The following HDAC2 variants were observed in gnomAD, a reference collection of about 807,000 sequenced individuals.
The protein encoded by HDAC2 is histone deacetylase 2.
In HDAC2, 5 loss-of-function variants were observed where a neutral mutation model predicts 68.5. That is an observed-to-expected ratio of 0.07 (90% CI 0.04 to 0.15). The LOEUF is 0.15. HDAC2 is among the 10% of genes least tolerant of loss of function. The pLI is 1.00. For synonymous variants in HDAC2, 182 were observed against 191.3 expected (o/e 0.95, Z 0.40); for missense variants, 291 against 600.8 (o/e 0.48, Z 5.39).
chr6:113,957,557 C>G (rs745720990), intron 3 of HDAC2, among the ~76,000 whole-genome samples: 12 of 151,912 alleles, frequency 7.9e-5, no homozygotes, highest in Non-Finnish European at 1.8e-4. Flanking sequence ...GCTTGGCTCA[C>G]TGCAACCTCC....
At chr6:113,956,229 T>A in intron 4 of HDAC2, 78 bp from the exon 5 acceptor site, 1 of 1,167,046 alleles carries the variant, frequency 8.6e-7, no homozygotes, top group Non-Finnish European at 1.2e-6. Context: ...ACACTACAAG[T>A]GTATGCCATG....
rs918271736 is a variant in HDAC2, at chr6:113,938,878, CTT to C, written c.*2178_*2179del. On this transcript the variant is annotated 3_prime_UTR_variant, in exon 14 of 14. Transcript: ENST00000519065. Reference sequence around the variant, plus strand: ...TGCTGAAATTGCTTTAGATAGTTCTCTTGAGGTTTTAGTTGTATATAACCAAC... The same window carrying C: ...TGCTGAAATTGCTTTAGATAGTTCTCGAGGTTTTAGTTGTATATAACCAAC... The C allele has an allele frequency of 7.9e-5, 12 of 152,136 alleles. No individual in the cohort carries two copies. The highest frequency in any genetic ancestry group is 2.4e-4 in the African/African-American group (10 of 41,426). 9.4% of individuals were successfully genotyped at this position (152,136 alleles called of 1,614,324 possible).
At chr6:113,947,182 C>T (rs1439549652) in intron 8 of HDAC2, 1 of 152,090 alleles carries the variant, frequency 6.6e-6, no homozygotes, top group Admixed American at 6.5e-5. Flanking sequence ...TAAAAGTTAA[C>T]TTACAGGCTT....
At chr6:113,948,697 T>G in intron 8 of HDAC2, 1 of 322,554 alleles carries the variant, frequency 3.1e-6, no homozygotes, top group Non-Finnish European at 5.6e-6. Flanking sequence ...AAAGTATGCA[T>G]GTTTTATTTA....
At chr6:113,959,854 A>T in intron 2 of HDAC2, 52 bp downstream of exon 2, 2 of 652,564 alleles carry the variant, frequency 3.1e-6, no homozygotes, top group Non-Finnish European at 5.3e-6. Context: ...CACAGTAGCT[A>T]AAAAAAAATA....
intron 6 of HDAC2, among the ~76,000 whole-genome samples, chr6:113,950,705 G>C (rs1562143687): frequency 7.9e-6 from 1 of 127,158 alleles, no homozygotes; most frequent in South Asian, 3.1e-4. Context: ...TGGGGTGGGG[G>C]GGGGGTGCCT....
At chr6:113,952,255 T>C (rs1776437025) in intron 6 of HDAC2, among the ~76,000 whole-genome samples, 1 of 152,220 alleles carries the variant, frequency 6.6e-6, no homozygotes, top group Admixed American at 6.5e-5. Flanking sequence ...TGAAGGAGTT[T>C]ACTGGCAAGG....
At position 113,945,483 on chromosome 6, in the gene HDAC2, A is replaced by G; in HGVS notation, c.983-13T>C. ...TTATATGGCAACTCTAATGAAAACA[A>G]TAAAATAAAGTTACATATTACAAGC... On this transcript the variant is annotated splice_polypyrimidine_tract_variant and intron_variant, in intron 9 of 13. Transcript: ENST00000519065. 8.1e-7 allele frequency: 1 copy of G among 1,228,338 alleles called. No homozygotes were observed. The highest frequency in any genetic ancestry group is 1.2e-6 in the Non-Finnish European group (1 of 830,860). The allele number at this position is 1,228,338 out of a possible 1,614,324, so 76.1% of individuals were successfully genotyped here.
chr6:113,971,148 G>C lies in HDAC2; in HGVS notation c.-240C>G, dbSNP rs773499398. The C allele has an allele frequency of 6.5e-7, 1 of 1,535,228 alleles. No homozygotes were observed. Among genetic ancestry groups the C allele is most frequent in the Non-Finnish European group, 8.8e-7 (1 of 1,139,232 alleles). ...CAGCGGCACCAACTCGCGAGGAGGGGGCCACCAAACCACCTCAGGAGGCCG... is the reference window on the plus strand; with the variant it reads ...CAGCGGCACCAACTCGCGAGGAGGGCGCCACCAAACCACCTCAGGAGGCCG... On this transcript the variant is annotated 5_prime_UTR_variant, in exon 1 of 14. Transcript: ENST00000519065.
intron 1 of HDAC2, among the ~76,000 whole-genome samples, chr6:113,961,003 G>GT (rs1776670911): frequency 6.6e-6 from 1 of 152,072 alleles, no homozygotes; most frequent in Non-Finnish European, 1.5e-5. Flanking sequence ...GACTTAAAGT[G>GT]TAAGGGGAGA....
chr6:113,967,325 C>T (rs752951259), intron 1 of HDAC2, among the ~76,000 whole-genome samples: 5 of 152,056 alleles, frequency 3.3e-5, no homozygotes, highest in East Asian at 1.9e-4. Flanking sequence ...GACGGGGTTT[C>T]GCCATGTTGG....
intron 2 of HDAC2, 181 bp downstream of exon 2, chr6:113,959,725 A>T: frequency 2.3e-6 from 1 of 430,616 alleles, no homozygotes; most frequent in Non-Finnish European, 4.1e-6. Flanking sequence ...AAAAGGAAAA[A>T]GAGGGTATAG....
chr6:113,955,984 G>A (rs750995896), intron 5 of HDAC2, 29 bp downstream of exon 5: 2 of 1,519,262 alleles, frequency 1.3e-6, no homozygotes, highest in South Asian at 2.4e-5. Flanking sequence ...CTTTATCACT[G>A]AAAAGAGTAT....
rs1039592480 is a variant in HDAC2 at position 113,934,790 on chromosome 6, A to C, written c.*6268T>G. ...ATCAAAAGGGAATAGCACAGGAATT[A>C]TACCTAAGTCCATTACATATAACAC... On this transcript the variant is annotated 3_prime_UTR_variant, in exon 14 of 14. Transcript: ENST00000519065. 6.6e-6 allele frequency: 1 copy of C among 152,262 alleles called. No homozygotes were observed. Among genetic ancestry groups the C allele is most frequent in the Non-Finnish European group, 1.5e-5 (1 of 68,052 alleles). The allele number at this position is 152,262 out of a possible 1,614,324, so 9.4% of individuals were successfully genotyped here.
chr6:113,940,953 AT>A lies in HDAC2; in HGVS notation c.*104del, dbSNP rs1294345742. 7 of 829,160 alleles carry A rather than the reference AT, an allele frequency of 8.4e-6. No homozygotes were observed. The African/African-American group carries it at 1.0e-4, about 12-fold the overall frequency. The allele number at this position is 829,160 out of a possible 1,614,324, so 51.4% of individuals were successfully genotyped here. Reference sequence around the variant, plus strand: ...AGCCATTTGAAAATAAATACAGTCCATGCCAAAGTAGTATAAAATGAAGCCA... The same window carrying A: ...AGCCATTTGAAAATAAATACAGTCCAGCCAAAGTAGTATAAAATGAAGCCA... On this transcript the variant is annotated 3_prime_UTR_variant, in exon 14 of 14. Transcript: ENST00000519065.
chr6:113,955,057 A>C (rs182681259), intron 5 of HDAC2, among the ~76,000 whole-genome samples: 1 of 152,252 alleles, frequency 6.6e-6, no homozygotes, highest in East Asian at 1.9e-4. Flanking sequence ...CACTGGCTTC[A>C]AATTTTTGTC....
chr6:113,959,234 A>G (rs1386530620), intron 2 of HDAC2, among the ~76,000 whole-genome samples: 1 of 152,076 alleles, frequency 6.6e-6, no homozygotes, highest in Admixed American at 6.5e-5. Context: ...ATTCTTCCAC[A>G]AGACTTCCAG....
chr6:113,949,721 G>A (rs1242783965), intron 6 of HDAC2, among the ~76,000 whole-genome samples: 1 of 151,970 alleles, frequency 6.6e-6, no homozygotes, highest in Non-Finnish European at 1.5e-5. Context: ...GTTTACTTAT[G>A]ATGAAAGAAC....
rs1776607039 is a variant in HDAC2, at chr6:113,958,457, AC to A, written c.283+191del. ...GAATACCCAAACAGCAGTTTTGCAA[AC>A]CAATAAGCTTCAGATAGGTTTACTT... On this transcript the variant is annotated intron_variant, in intron 3 of 13. Coordinates refer to ENST00000519065, the MANE Select transcript of HDAC2 (RefSeq NM_001527.4). 3 of 436,580 alleles carry A rather than the reference AC, an allele frequency of 6.9e-6. No homozygotes were observed. In the South Asian group the frequency reaches 1.0e-4, roughly 15 times the overall value. The allele number at this position is 436,580 out of a possible 1,614,324, so 27.0% of individuals were successfully genotyped here.
Sources: gnomAD v4.1 joint callset for allele counts (sites outside exome capture counted in the v4.1 genomes callset) on GRCh38, gnomAD v4.1.1 for gene constraint, MANE v1.5 for transcripts, NCBI Gene and HGNC (gene_info 2026-07-23, HGNC 2026-07-21) for gene names.